SEMA3D: variants seen among roughly 807,000 people sequenced by gnomAD.
SEMA3D encodes semaphorin-3D.
A neutral mutation model predicts 100.1 loss-of-function variants in SEMA3D; 84 were observed. The observed-to-expected ratio is 0.84, with a 90% CI of 0.70 to 1.01. The LOEUF (loss-of-function observed/expected upper bound fraction) is 1.01, where lower values mean the gene tolerates loss of function less well. Ranked by LOEUF, SEMA3D falls within the 50% of genes least tolerant of loss-of-function variation. The pLI is 0.00. For synonymous variants in SEMA3D, 312 were observed against 320.7 expected (o/e 0.97, Z 0.29); for missense variants, 875 against 934.1 (o/e 0.94, Z 0.82).
intron 3 of SEMA3D, among the ~76,000 whole-genome samples, chr7:85,103,594 T>C (rs1289085754): frequency 1.3e-5 from 2 of 152,018 alleles, no homozygotes; most frequent in African/African-American, 2.4e-5. Context: ...TCCTTTGTTT[T>C]ATCTCCCTAA....
At chr7:85,021,356 A>G (rs963867965) in intron 13 of SEMA3D, among the ~76,000 whole-genome samples, 1 of 151,808 alleles carries the variant, frequency 6.6e-6, no homozygotes, top group Admixed American at 6.6e-5. Context: ...GTACAAATTA[A>G]GCGTCAAACT....
chr7:85,026,777 A>G (rs1006750214), intron 12 of SEMA3D, among the ~76,000 whole-genome samples: 16 of 152,072 alleles, frequency 1.1e-4, no homozygotes, highest in Non-Finnish European at 2.4e-4. Context: ...TCTGAGAACC[A>G]TCAGCTCCTT....
At chr7:85,031,309 T>A (rs59738022) in intron 12 of SEMA3D, among the ~76,000 whole-genome samples, 6,445 of 152,062 alleles carry the variant, frequency 0.042, 164 homozygotes, top group Non-Finnish European at 0.055. Context: ...AACAATTTTT[T>A]AAAAAATAAC....
Position 85,163,057 on chromosome 7 carries a change from C to A in SEMA3D, c.-172-9318G>T, listed in dbSNP as rs547019061. 1.3e-5 allele frequency: 10 copies of A among 787,694 alleles called. No individual in the cohort carries two copies. In the South Asian group the frequency reaches 4.7e-4, roughly 37 times the overall value. 48.8% of individuals were successfully genotyped at this position (787,694 alleles called of 1,614,324 possible). A position where few individuals can be genotyped will look rare whatever the true frequency, so the allele number is the denominator to read the frequency against. Reference sequence around the variant, plus strand: ...AGTAAGAATATAAAAGAAGTATATACATATCCAAAATATACAGTAAGATTA... The same window carrying A: ...AGTAAGAATATAAAAGAAGTATATAAATATCCAAAATATACAGTAAGATTA... On this transcript the variant is annotated intron_variant, in intron 1 of 18. Coordinates refer to ENST00000284136, the MANE Select transcript of SEMA3D (RefSeq NM_001384900.1).
chr7:85,156,346 C>T (rs1161842053), intron 1 of SEMA3D, among the ~76,000 whole-genome samples: 1 of 151,740 alleles, frequency 6.6e-6, no homozygotes, highest in Non-Finnish European at 1.5e-5. Context: ...CATGATCCAC[C>T]CCTTCGGCCT....
the SEMA3D span, among the ~76,000 whole-genome samples, chr7:85,236,298 T>C: frequency 6.8e-6 from 1 of 146,732 alleles, no homozygotes; most frequent in Admixed American, 6.8e-5. Context: ...TATTTATTTA[T>C]TTATTTATTT....
chr7:85,217,414 A>G, the SEMA3D span, among the ~76,000 whole-genome samples: 1 of 152,120 alleles, frequency 6.6e-6, no homozygotes, highest in African/African-American at 2.4e-5. Flanking sequence ...CCTTGTCCTC[A>G]CAGATCTTAT....
chr7:85,039,024 T>C (rs1365445487), intron 11 of SEMA3D, among the ~76,000 whole-genome samples: 1 of 152,124 alleles, frequency 6.6e-6, no homozygotes, highest in Non-Finnish European at 1.5e-5. Context: ...AGTAAGACCT[T>C]TTCTTCAGTA....
the SEMA3D span, among the ~76,000 whole-genome samples, chr7:85,221,701 A>G: frequency 6.6e-6 from 1 of 152,128 alleles, no homozygotes; most frequent in Non-Finnish European, 1.5e-5. Flanking sequence ...AAATAATGTT[A>G]TGAGTATCTT....
At chr7:85,213,577 G>C in the SEMA3D span, among the ~76,000 whole-genome samples, 1 of 152,080 alleles carries the variant, frequency 6.6e-6, no homozygotes, top group East Asian at 1.9e-4. Context: ...ATTATTCAGT[G>C]TGTTGATGGT....
the SEMA3D span, among the ~76,000 whole-genome samples, chr7:85,194,372 T>C: frequency 6.6e-6 from 1 of 152,188 alleles, no homozygotes; most frequent in Non-Finnish European, 1.5e-5. Context: ...GTTGAGGAAG[T>C]TTGCTCTATT....
chr7:85,056,610 A>C (rs1008528941), intron 8 of SEMA3D, among the ~76,000 whole-genome samples: 4 of 149,694 alleles, frequency 2.7e-5, no homozygotes, highest in African/African-American at 9.7e-5. Flanking sequence ...TTTATATAAC[A>C]TTTTATATAT....
chr7:85,208,477 T>G, the SEMA3D span, among the ~76,000 whole-genome samples: 1 of 152,068 alleles, frequency 6.6e-6, no homozygotes, highest in East Asian at 1.9e-4. Context: ...ATACTTTAAT[T>G]TTTTTCTTGT....
chr7:85,134,796 A>T (rs1339040344), intron 2 of SEMA3D, among the ~76,000 whole-genome samples: 1 of 151,996 alleles, frequency 6.6e-6, no homozygotes, highest in Non-Finnish European at 1.5e-5. Flanking sequence ...AAATCTCTTT[A>T]CAGTATCATT....
At chr7:85,189,819 A>G (rs979552719), upstream of SEMA3D, among the ~76,000 whole-genome samples, 2 of 152,184 alleles carry the variant, frequency 1.3e-5, no homozygotes, top group African/African-American at 4.8e-5. Context: ...TGAGTAAGTA[A>G]TTTTCATTTT....
At chr7:85,092,815 A>G (rs1244352556) in intron 4 of SEMA3D, among the ~76,000 whole-genome samples, 1 of 152,066 alleles carries the variant, frequency 6.6e-6, no homozygotes, top group African/African-American at 2.4e-5. Context: ...TTTGCAGCAG[A>G]CCAGATTTCA....
At chr7:85,142,799 T>C (rs1050098286) in intron 2 of SEMA3D, 1 of 985,036 alleles carries the variant, frequency 1.0e-6, no homozygotes, top group Non-Finnish European at 1.2e-6. Flanking sequence ...GAATAACCTT[T>C]TCTCTCTTCG....
At chr7:85,183,681 A>G (rs1791462807) in intron 1 of SEMA3D, among the ~76,000 whole-genome samples, 1 of 152,234 alleles carries the variant, frequency 6.6e-6, no homozygotes, top group South Asian at 2.1e-4. Flanking sequence ...GAAAGGCAAA[A>G]GAAAGCCACA....
At chr7:85,003,423 A>C (rs1318145163) in intron 18 of SEMA3D, among the ~76,000 whole-genome samples, 1 of 152,032 alleles carries the variant, frequency 6.6e-6, no homozygotes, top group Non-Finnish European at 1.5e-5. Flanking sequence ...CAATATGCAA[A>C]ATGTAAAAAA....
Sources: allele counts gnomAD v4.1 joint callset (sites outside exome capture counted in the v4.1 genomes callset), GRCh38; gene constraint gnomAD v4.1.1; transcripts MANE v1.5; gene names NCBI Gene and HGNC (gene_info 2026-07-23, HGNC 2026-07-21).